ANKFN1: variants seen among roughly 807,000 people sequenced by gnomAD.
The protein encoded by ANKFN1 is ankyrin repeat and fibronectin type-III domain-containing protein 1.
A neutral mutation model predicts 108.7 loss-of-function variants in ANKFN1; 74 were observed. That is an observed-to-expected ratio of 0.68 (90% confidence interval 0.56 to 0.83). The LOEUF (loss-of-function observed/expected upper bound fraction) is 0.83. Among genes scored for constraint, ANKFN1 ranks in the 40% least tolerant of loss-of-function variants. The probability of loss-of-function intolerance (pLI) is 0.00; values close to 1 mark genes in which losing one functional copy is unlikely to be tolerated. For synonymous variants in ANKFN1, 547 were observed against 516.2 expected, an observed-to-expected ratio of 1.06 and a Z score of -0.81; for missense variants, 1,505 against 1,382.3, an observed-to-expected ratio of 1.09 and a Z score of -1.41.
At chr17:56,302,517 CAA>C (rs774091391) in intron 3 of ANKFN1, among the ~76,000 whole-genome samples, 11 of 96,424 alleles carry the variant, frequency 1.1e-4, no homozygotes, top group Non-Finnish European at 1.3e-4. Context: ...CTAGCCTCTA[CAA>C]AAAAAAAAAA....
chr17:56,211,284 G>T (rs775449211), intron 1 of ANKFN1, among the ~76,000 whole-genome samples: 3 of 152,202 alleles, frequency 2.0e-5, no homozygotes, highest in African/African-American at 4.8e-5. Context: ...TTTGTATAGG[G>T]TGAGAGATGA....
chr17:56,094,538 C>T (rs186293437), intron 4 of ANKFN1, among the ~76,000 whole-genome samples: 80 of 131,954 alleles, frequency 6.1e-4, no homozygotes, highest in Non-Finnish European at 1.3e-4. Flanking sequence ...GCCAGGCTGC[C>T]AGGCTGCCAG....
At chr17:56,465,423 A>G (rs1387569194) in intron 14 of ANKFN1, among the ~76,000 whole-genome samples, 1 of 152,176 alleles carries the variant, frequency 6.6e-6, no homozygotes, top group Non-Finnish European at 1.5e-5. Flanking sequence ...TTCCTGGCTC[A>G]TTCATTTTTA....
intron 8 of ANKFN1, among the ~76,000 whole-genome samples, chr17:56,386,676 G>T (rs1437895254): frequency 6.8e-6 from 1 of 145,992 alleles, no homozygotes; most frequent in Non-Finnish European, 1.5e-5. Flanking sequence ...TGTTCGACAA[G>T]AATCAATGTG....
rs950963176 is a variant in ANKFN1, at chr17:56,511,217, A to C, written c.3389A>C (p.Gln1130Pro). ...AGCCCCACTGGCCCCGATGTGAGTC[A>C]GGAGGGCCCCACCGCCTCTCCCATG... is the stretch of plus-strand genomic sequence containing the variant. ...LPSPTGPDVS[Q>P]EGPTASPMSE... The change falls in exon 21 of 21, where the codon CAG becomes CCG. Residue 1130 changes from glutamine (Q) to proline (P), a missense_variant. Coordinates refer to ENST00000682825, the MANE Select transcript of ANKFN1 (RefSeq NM_001370326.1). 9 of 1,533,904 alleles carry C rather than the reference A, an allele frequency of 5.9e-6. No individual in the cohort carries two copies. The highest frequency in any genetic ancestry group is 1.7e-4 in the Middle Eastern group (1 of 5,964).
intron 4 of ANKFN1, among the ~76,000 whole-genome samples, chr17:56,087,948 GTGTGTTTGTGTGTA>G (rs1905346671): frequency 1.3e-5 from 2 of 151,130 alleles, no homozygotes; most frequent in South Asian, 2.1e-4. Flanking sequence ...ATATGTGTGT[GTGTGTTTGTGTGTA>G]TGTGTTTGTG....
At position 56,374,706 on chromosome 17, in the gene ANKFN1, G is replaced by A; in HGVS notation, c.902G>A (p.Arg301Lys). ...PLSVNAAVVT[R>K]YKVEWSMSED... ...AGCGTCAATGCAGCTGTAGTAACCA[G>A]GTATAAAGGTACTGGACCCAAGACA... Residue 301 changes from arginine to lysine, a missense_variant, in exon 8 of 21, where the codon AGG (arginine) becomes AAG (lysine). Coordinates refer to ENST00000682825, the MANE Select transcript of ANKFN1 (RefSeq NM_001370326.1). 6.2e-7 allele frequency: 1 copy of A among 1,611,356 alleles called. No homozygotes were observed. Among genetic ancestry groups the A allele is most frequent in the Non-Finnish European group, 8.5e-7 (1 of 1,177,998 alleles).
intron 4 of ANKFN1, among the ~76,000 whole-genome samples, chr17:56,113,769 G>T (rs1454719169): frequency 1.3e-5 from 2 of 152,098 alleles, no homozygotes; most frequent in Non-Finnish European, 2.9e-5. Context: ...AGTCAAATAG[G>T]CAGTCATACA....
At chr17:56,065,855 G>A (rs974673987) in intron 4 of ANKFN1, among the ~76,000 whole-genome samples, 1 of 152,176 alleles carries the variant, frequency 6.6e-6, no homozygotes, top group Non-Finnish European at 1.5e-5. Context: ...CTAAAATGTG[G>A]CACAGAGACA....
chr17:56,081,175 CAGA>C (rs935198732), intron 4 of ANKFN1, among the ~76,000 whole-genome samples: 2 of 152,056 alleles, frequency 1.3e-5, no homozygotes, highest in African/African-American at 4.8e-5. Context: ...AGGCATACGG[CAGA>C]AGAAGAGACC....
Position 56,126,162 on chromosome 17 carries a change from A to T in ANKFN1, c.288+79837A>T, listed in dbSNP as rs1347365627. Among the ~76,000 whole-genome samples the T allele has an allele frequency of 3.3e-5, 5 of 152,210 alleles. No homozygotes were observed. The East Asian group carries it at 9.6e-4, about 29-fold the overall frequency. ...CTGCTGGTGATGCCCAGAGTGGCCC[A>T]AATAAAAGTCAAATACCACATTCAG... is the stretch of plus-strand genomic sequence containing the variant. On this transcript the variant is annotated intron_variant, in intron 4 of 12. Transcript: ENST00000635860.
At chr17:56,219,428 GTAGAGATGGGATTT>G (rs1368095402) in intron 2 of ANKFN1, among the ~76,000 whole-genome samples, 1 of 151,984 alleles carries the variant, frequency 6.6e-6, no homozygotes, top group African/African-American at 2.4e-5. Flanking sequence ...TGCATTTTTA[GTAGAGATGGGATTT>G]TACCATGTTG....
chr17:56,446,170 G>C (rs750119348), intron 10 of ANKFN1, among the ~76,000 whole-genome samples: 1 of 152,118 alleles, frequency 6.6e-6, no homozygotes. Flanking sequence ...GATGGAGCTC[G>C]CCTCTGATGT....
intron 20 of ANKFN1, among the ~76,000 whole-genome samples, chr17:56,502,183 T>G (rs1055544433): frequency 3.9e-5 from 6 of 152,190 alleles, no homozygotes; most frequent in African/African-American, 1.4e-4. Flanking sequence ...TCGCAGCCCC[T>G]GTCTGCCCTC....
intron 6 of ANKFN1, among the ~76,000 whole-genome samples, chr17:56,360,328 A>G (rs1412119596): frequency 1.3e-5 from 2 of 152,170 alleles, no homozygotes; most frequent in African/African-American, 2.4e-5. Flanking sequence ...AATCTTGTTC[A>G]TTACATGGCC....
intron 1 of ANKFN1, among the ~76,000 whole-genome samples, chr17:56,200,960 T>C (rs373845985): frequency 5.4e-4 from 82 of 152,332 alleles, no homozygotes; most frequent in African/African-American, 1.8e-3. Context: ...TGTGGTATGC[T>C]AGATTTCTCC....
At chr17:56,342,250 G>T (rs1343903352) in intron 4 of ANKFN1, among the ~76,000 whole-genome samples, 3 of 144,156 alleles carry the variant, frequency 2.1e-5, no homozygotes, top group Non-Finnish European at 3.0e-5. Context: ...CAAAGAAAAA[G>T]CTCCTTGATT....
At chr17:56,214,949 G>A (rs1915316314) in intron 2 of ANKFN1, among the ~76,000 whole-genome samples, 1 of 152,216 alleles carries the variant, frequency 6.6e-6, no homozygotes, top group African/African-American at 2.4e-5. Flanking sequence ...AAGGCCTCTA[G>A]CTTTTGGGGC....
At chr17:56,406,497 C>A (rs1002008409) in intron 8 of ANKFN1, among the ~76,000 whole-genome samples, 1 of 150,302 alleles carries the variant, frequency 6.7e-6, no homozygotes, top group Non-Finnish European at 1.5e-5. Flanking sequence ...TTTAAGCTAT[C>A]GAGAAAGAGA....
Sources: allele counts gnomAD v4.1 joint callset (sites outside exome capture counted in the v4.1 genomes callset), GRCh38; gene constraint gnomAD v4.1.1; transcripts MANE v1.5; gene names NCBI Gene and HGNC (gene_info 2026-07-23, HGNC 2026-07-21).